Variants in CHEK1 observed in about 807,000 individuals in gnomAD.
The protein encoded by CHEK1 is checkpoint kinase 1.
A neutral mutation model predicts 60.2 loss-of-function variants in CHEK1; 32 were observed. The ratio of observed to expected loss-of-function variants is 0.53; its 90% CI spans 0.40 to 0.71. CHEK1 has a LOEUF of 0.71. Ranked by LOEUF, CHEK1 falls within the 30% of genes least tolerant of loss-of-function variation. CHEK1 has a pLI of 0.00. For missense variants in CHEK1, 399 were observed against 564.6 expected (o/e 0.71, Z 2.97); for synonymous variants, 179 against 187.2 (o/e 0.96, Z 0.36).
intron 13 of CHEK1, among the ~76,000 whole-genome samples, chr11:125,663,293 A>G (rs1942049664): frequency 6.6e-6 from 1 of 152,162 alleles, no homozygotes; most frequent in Non-Finnish European, 1.5e-5. Flanking sequence ...GAATAAGCCT[A>G]GATTCTGAAG....
chr11:125,677,658 A>T, downstream of CHEK1: 1 of 1,188,098 alleles, frequency 8.4e-7, no homozygotes, highest in Non-Finnish European at 1.2e-6. Context: ...GACGAGAACT[A>T]GAGAGACTTT....
intron 13 of CHEK1, chr11:125,672,813 A>G: frequency 6.9e-7 from 1 of 1,449,970 alleles, no homozygotes; most frequent in Non-Finnish European, 9.3e-7. Flanking sequence ...AGGATGGTCA[A>G]GACCTCCACT....
chr11:125,643,674 T>C lies in CHEK1; in HGVS notation c.815-118T>C, dbSNP rs552231935. On this transcript the variant is annotated intron_variant, in intron 8 of 12. Coordinates refer to ENST00000438015, the MANE Select transcript of CHEK1 (RefSeq NM_001114122.3). ...CTTTGTTTTATATCTTACAAAAATT[T>C]TGTGTTAAATAAATAGATTTAGACA... The C allele has an allele frequency of 3.9e-5, 27 of 691,950 alleles. No homozygotes were observed. In the African/African-American group the frequency reaches 4.9e-4, roughly 12 times the overall value. The allele number at this position is 691,950 out of a possible 1,614,324, so 42.9% of individuals were successfully genotyped here. A position where few individuals can be genotyped will look rare whatever the true frequency, so the allele number is the denominator to read the frequency against.
intron 5 of CHEK1, among the ~76,000 whole-genome samples, chr11:125,631,646 T>C (rs1478108908): frequency 6.6e-6 from 1 of 151,756 alleles, no homozygotes; most frequent in African/African-American, 2.4e-5. Flanking sequence ...TGAGTGATTC[T>C]AGGAGTTTGA....
chr11:125,649,285 C>A (rs1941618792), intron 11 of CHEK1, among the ~76,000 whole-genome samples: 1 of 152,202 alleles, frequency 6.6e-6, no homozygotes, highest in African/African-American at 2.4e-5. Flanking sequence ...TTCCTGGGCT[C>A]AAGTGACCCT....
At chr11:125,660,826 A>C (rs1260622630), downstream of CHEK1, among the ~76,000 whole-genome samples, 1 of 151,628 alleles carries the variant, frequency 6.6e-6, no homozygotes, top group Non-Finnish European at 1.5e-5. Context: ...CCCAGGCTGG[A>C]GTGAAATGGC....
At chr11:125,672,499 TG>T in intron 13 of CHEK1, 2 of 1,476,864 alleles carry the variant, frequency 1.4e-6, no homozygotes, top group East Asian at 4.5e-5. Flanking sequence ...TGTGGTCAGT[TG>T]TTGACTGGGG....
chr11:125,635,579 G>A (rs753850771), intron 7 of CHEK1, 46 bp downstream of exon 7: 37 of 1,250,790 alleles, frequency 3.0e-5, no homozygotes, highest in Non-Finnish European at 3.7e-5. Flanking sequence ...TCTTGGATAT[G>A]AAGTCTTGTG....
At chr11:125,670,349 C>CT (rs1942179866) in intron 13 of CHEK1, among the ~76,000 whole-genome samples, 2 of 151,864 alleles carry the variant, frequency 1.3e-5, no homozygotes, top group South Asian at 2.1e-4. Flanking sequence ...CTATAGACTG[C>CT]TTTTTTTTCT....
intron 13 of CHEK1, chr11:125,671,834 G>C (rs1468767623): frequency 6.6e-6 from 1 of 152,184 alleles, no homozygotes; most frequent in Non-Finnish European, 1.5e-5. Flanking sequence ...GATCAGATGA[G>C]ACCGTGTATG....
chr11:125,660,188 T>C (rs1941986828), downstream of CHEK1, among the ~76,000 whole-genome samples: 1 of 152,264 alleles, frequency 6.6e-6, no homozygotes, highest in Admixed American at 6.5e-5. Context: ...TTCAGTTTTC[T>C]TGGGTATGTA....
Position 125,642,342 on chromosome 11 carries a change from G to A in CHEK1, c.815-1450G>A, listed in dbSNP as rs574702958. On this transcript the variant is annotated intron_variant, in intron 8 of 12. Coordinates refer to ENST00000438015, the MANE Select transcript of CHEK1 (RefSeq NM_001114122.3). ...CCTTCAGTGTACTTACCACCATTTAGCTTACTGATTTTTAACTGTATTTGT... is the reference window on the plus strand; with the variant it reads ...CCTTCAGTGTACTTACCACCATTTAACTTACTGATTTTTAACTGTATTTGT... Among the ~76,000 whole-genome samples the A allele has an allele frequency of 2.7e-3, 409 of 152,068 alleles. 1 individual carries two copies. The highest frequency in any genetic ancestry group is 8.9e-3 in the African/African-American group (369 of 41,466).
At chr11:125,637,104 G>A (rs1388043637) in intron 7 of CHEK1, among the ~76,000 whole-genome samples, 3 of 152,296 alleles carry the variant, frequency 2.0e-5, no homozygotes, top group Admixed American at 6.5e-5. Context: ...AGGAGGTCAC[G>A]TGAGAACATG....
intron 13 of CHEK1, among the ~76,000 whole-genome samples, chr11:125,664,535 G>A (rs966446740): frequency 2.6e-5 from 4 of 151,924 alleles, no homozygotes; most frequent in South Asian, 2.1e-4. Flanking sequence ...ATGCCTGGCC[G>A]AACATTTTTT....
chr11:125,651,203 T>G (rs909393871), intron 11 of CHEK1, among the ~76,000 whole-genome samples: 2 of 151,912 alleles, frequency 1.3e-5, no homozygotes, highest in Non-Finnish European at 2.9e-5. Flanking sequence ...CATTTTCCTG[T>G]AAGTGTTTTC....
At chr11:125,660,856 A>T (rs368124845), downstream of CHEK1, among the ~76,000 whole-genome samples, 1 of 150,726 alleles carries the variant, frequency 6.6e-6, no homozygotes, top group East Asian at 2.0e-4. Context: ...GCTCACTGCA[A>T]CCTCCGCCTC....
intron 13 of CHEK1, among the ~76,000 whole-genome samples, chr11:125,673,667 C>T (rs1028260823): frequency 6.6e-6 from 1 of 152,190 alleles, no homozygotes. Flanking sequence ...CTAAAACTTA[C>T]TATGCCCAAA....
intron 11 of CHEK1, among the ~76,000 whole-genome samples, chr11:125,645,235 A>G (rs1941457083): frequency 6.6e-6 from 1 of 152,120 alleles, no homozygotes; most frequent in Non-Finnish European, 1.5e-5. Context: ...CTTTGTAAAA[A>G]CTATGTATAC....
In CHEK1 at chr11:125,634,532, G is replaced by A. The variant is rs79846798; in HGVS notation, c.614-897G>A. Among the ~76,000 whole-genome samples, 657 of 151,478 alleles carry A rather than the reference G, an allele frequency of 4.3e-3. 3 individuals carry two copies. The highest frequency in any genetic ancestry group is 6.1e-3 in the Non-Finnish European group (415 of 67,840). ...TTCACAGACGGTCTCTCCATGTTAC[G>A]TAGGCTGGTCTTAAACTCCTGGGCT... On this transcript the variant is annotated intron_variant, in intron 6 of 12. Transcript: ENST00000438015.
Sources: gnomAD v4.1 joint callset for allele counts (sites outside exome capture counted in the v4.1 genomes callset) on GRCh38, gnomAD v4.1.1 for gene constraint, MANE v1.5 for transcripts, NCBI Gene and HGNC (gene_info 2026-07-23, HGNC 2026-07-21) for gene names.